SLC7A7: variants seen among roughly 807,000 people sequenced by gnomAD.
The protein encoded by SLC7A7 is Y+L amino acid transporter 1.
In SLC7A7, 39 loss-of-function variants were observed where a neutral mutation model predicts 47.9. The observed-to-expected ratio is 0.81, with a 90% CI of 0.63 to 1.06. SLC7A7 has a LOEUF of 1.06. Ranked by LOEUF, SLC7A7 falls within the 50% of genes least tolerant of loss-of-function variation. SLC7A7 has a pLI of 0.00. For missense variants in SLC7A7, 588 were observed against 632.0 expected (o/e 0.93, Z 0.75); for synonymous variants, 234 against 242.8 (o/e 0.96, Z 0.34).
chr14:22,778,239 T>C (rs919414170), intron 4 of SLC7A7, among the ~76,000 whole-genome samples: 13 of 152,204 alleles, frequency 8.5e-5, no homozygotes, highest in African/African-American at 2.7e-4. Flanking sequence ...CCCTCAAGGT[T>C]AGCCAACAAG....
chr14:22,779,175 G>T (rs372587849), intron 3 of SLC7A7, among the ~76,000 whole-genome samples: 13 of 152,308 alleles, frequency 8.5e-5, no homozygotes, highest in African/African-American at 3.1e-4. Context: ...GAAGGGTCCA[G>T]GGTAGCTTTC....
rs1403570669 is a variant in SLC7A7, at chr14:22,778,955, T to G, written c.626-18A>C. 1 of 1,613,462 alleles carries G rather than the reference T, an allele frequency of 6.2e-7. No homozygotes were observed. Among genetic ancestry groups the G allele is most frequent in the Non-Finnish European group, 8.5e-7 (1 of 1,179,958 alleles). ...AGAGGCTCCTGGAACCCAAGAACAT[T>G]GGAAGGCAGGGGATTAGTGGCTCAT... On this transcript the variant is annotated intron_variant, in intron 3 of 9. Coordinates refer to ENST00000674313, the MANE Select transcript of SLC7A7 (RefSeq NM_003982.4).
chr14:22,813,344 G>T lies in SLC7A7; in HGVS notation c.55C>A (p.Pro19Thr), dbSNP rs748703608. Reference protein sequence around the residue: ...VASQPEVETSPLGDGASPGPE... With the variant: ...VASQPEVETSTLGDGASPGPE... ...CCTGGGCTGGCCCCATCACCCAAAGGGGAGGTTTCCACCTCAGGCTGGGAG... is the reference window on the plus strand; with the variant it reads ...CCTGGGCTGGCCCCATCACCCAAAGTGGAGGTTTCCACCTCAGGCTGGGAG... The change falls in exon 2 of 10, where the codon CCT (proline) becomes ACT (threonine). Residue 19 changes from proline to threonine, a missense_variant. Physicochemically the swap from Pro to Thr is conservative, Grantham distance 38. Transcript: ENST00000674313. 3 of 1,613,872 alleles carry T rather than the reference G, an allele frequency of 1.9e-6. No homozygotes were observed. The highest frequency in any genetic ancestry group is 4.5e-5 in the East Asian group (2 of 44,888).
At position 22,773,607 on chromosome 14, in the gene SLC7A7, T is replaced by C. The variant is rs1279546828; in HGVS notation, c.*3A>G. ...CTTTCCACATCAGGATTCCAGATGG[T>C]GTTTAGTTAGATTTGGGATCCCGTT... On this transcript the variant is annotated 3_prime_UTR_variant, in exon 10 of 10. Coordinates refer to ENST00000674313, the MANE Select transcript of SLC7A7 (RefSeq NM_003982.4). The C allele has an allele frequency of 1.9e-6, 3 of 1,609,788 alleles. No individual in the cohort carries two copies. The highest frequency in any genetic ancestry group is 2.2e-5 in the East Asian group (1 of 44,874).
At chr14:22,788,557 A>G (rs1189359069) in intron 2 of SLC7A7, among the ~76,000 whole-genome samples, 1 of 151,942 alleles carries the variant, frequency 6.6e-6, no homozygotes, top group Non-Finnish European at 1.5e-5. Flanking sequence ...TACAAAAATT[A>G]GCTGGGCGTG....
intron 1 of SLC7A7, among the ~76,000 whole-genome samples, chr14:22,813,659 C>T (rs1372316883): frequency 6.6e-6 from 1 of 150,972 alleles, no homozygotes; most frequent in Non-Finnish European, 1.5e-5. Context: ...GCTCTGTAGC[C>T]CAGGCTGGAG....
At chr14:22,788,459 C>T (rs888714385) in intron 2 of SLC7A7, among the ~76,000 whole-genome samples, 19 of 152,120 alleles carry the variant, frequency 1.2e-4, no homozygotes, top group African/African-American at 3.9e-4. Context: ...AATCCTAGCA[C>T]GTTGGGAGGC....
In SLC7A7 at chr14:22,799,448, C is replaced by CTTTTTTTTTTTTTTTTTT. The variant is rs56375225; in HGVS notation, c.499+13434_499+13451dup. ...TCTTTTTCTTTTTATTTTTTTCTTTCTTTTTTTTTTTTTTTTTTTTTTTTG... is the reference window on the plus strand; with the variant it reads ...TCTTTTTCTTTTTATTTTTTTCTTTCTTTTTTTTTTTTTTTTTTTTTTTTTTTTTTTTTTTTTTTTTTG... On this transcript the variant is annotated intron_variant, in intron 2 of 9. Coordinates refer to ENST00000674313, the MANE Select transcript of SLC7A7 (RefSeq NM_003982.4). Among the ~76,000 whole-genome samples the CTTTTTTTTTTTTTTTTTT allele has an allele frequency of 2.7e-3, 209 of 76,204 alleles. 2 individuals carry two copies. Among genetic ancestry groups the CTTTTTTTTTTTTTTTTTT allele is most frequent in the African/African-American group, 3.9e-3 (75 of 19,340 alleles). The allele number at this position is 76,204 out of a possible 152,430, so 50.0% of individuals were successfully genotyped here.
chr14:22,787,032 T>G (rs2038829614), intron 2 of SLC7A7, among the ~76,000 whole-genome samples: 1 of 152,258 alleles, frequency 6.6e-6, no homozygotes, highest in East Asian at 1.9e-4. Flanking sequence ...TCTTATATGA[T>G]ATGGGATTTT....
chr14:22,803,475 T>C lies in SLC7A7; in HGVS notation c.499+9425A>G, dbSNP rs150008321. 2.3e-3 allele frequency among the ~76,000 whole-genome samples: 348 copies of C among 152,204 alleles called. 2 individuals are homozygous for C. Among genetic ancestry groups the C allele is most frequent in the African/African-American group, 6.1e-3 (255 of 41,540 alleles). On this transcript the variant is annotated intron_variant, in intron 2 of 9. Coordinates refer to ENST00000674313, the MANE Select transcript of SLC7A7 (RefSeq NM_003982.4). ...CTGAGAGTGACCATTTTAGATACGATAGGTCTCTAGTAAGGTACTATTTTT... is the reference window on the plus strand; with the variant it reads ...CTGAGAGTGACCATTTTAGATACGACAGGTCTCTAGTAAGGTACTATTTTT...
chr14:22,793,382 A>G (rs1395376397), intron 2 of SLC7A7, among the ~76,000 whole-genome samples: 1 of 152,210 alleles, frequency 6.6e-6, no homozygotes, highest in Non-Finnish European at 1.5e-5. Flanking sequence ...TCCCAGGCAT[A>G]GGCTGAACTA....
At chr14:22,792,759 A>G (rs1028656407) in intron 2 of SLC7A7, among the ~76,000 whole-genome samples, 1 of 150,082 alleles carries the variant, frequency 6.7e-6, no homozygotes, top group Non-Finnish European at 1.5e-5. Context: ...TGGGAGTCTG[A>G]GAGAGGAGAA....
At chr14:22,779,454 CTT>C (rs35328728) in intron 3 of SLC7A7, among the ~76,000 whole-genome samples, 16,185 of 136,320 alleles carry the variant, frequency 0.12, 1,082 homozygotes, top group Middle Eastern at 0.19. Context: ...ATATTTAATT[CTT>C]TTTTTTTTTT....
upstream of SLC7A7, among the ~76,000 whole-genome samples, chr14:22,819,241 T>C (rs1566468024): frequency 6.6e-6 from 1 of 152,118 alleles, no homozygotes; most frequent in African/African-American, 2.4e-5. Context: ...ATGTCCTGCC[T>C]TCCTGGCTCC....
At position 22,812,950 on chromosome 14, in the gene SLC7A7, C is replaced by T. The variant is rs2039338643; in HGVS notation, c.449G>A (p.Ser150Asn). Residue 150 changes from serine (S) to asparagine (N), a missense_variant, in exon 2 of 10, where the codon AGC (serine) becomes AAC (asparagine). By Grantham distance (46) the Ser-to-Asn change is conservative. Coordinates refer to ENST00000674313, the MANE Select transcript of SLC7A7 (RefSeq NM_003982.4). ...GCTGGCAGCATAAGGGGCGAAGCAG[C>T]TCGGGAAGAGAGGCTGTACCATGTA... ...ANYMVQPLFP[S>N]CFAPYAASRL... The T allele has an allele frequency of 1.9e-6, 3 of 1,613,776 alleles. No individual in the cohort carries two copies.
In SLC7A7 at chr14:22,777,528, A is replaced by G. The variant is rs541607574; in HGVS notation, c.771-1210T>C. On this transcript the variant is annotated intron_variant, in intron 4 of 9. Coordinates refer to ENST00000674313, the MANE Select transcript of SLC7A7 (RefSeq NM_003982.4). ...GAGCTCTCAAGGTCCCTGTAGCCCA[A>G]TAAAGCCATGATCTTTATAAGCATC... Among the ~76,000 whole-genome samples the G allele has an allele frequency of 2.0e-5, 3 of 152,144 alleles. No individual in the cohort carries two copies. The East Asian group carries it at 5.8e-4, about 29-fold the overall frequency.
Position 22,815,104 on chromosome 14 carries a change from G to T in SLC7A7, c.-43+216C>A, listed in dbSNP as rs575591466. Reference sequence around the variant, plus strand: ...GTTGCTGCTGGAGAGATATCACCCCGAGCCAAGGCAGGGAGACAGCTGCAG... The same window carrying T: ...GTTGCTGCTGGAGAGATATCACCCCTAGCCAAGGCAGGGAGACAGCTGCAG... On this transcript the variant is annotated intron_variant, in intron 1 of 9. Transcript: ENST00000674313. The T allele has an allele frequency of 2.0e-5, 7 of 348,722 alleles. No homozygotes were observed. The East Asian group carries it at 5.2e-4, about 26-fold the overall frequency. The allele number at this position is 348,722 out of a possible 1,614,324, so 21.6% of individuals were successfully genotyped here.
intron 2 of SLC7A7, among the ~76,000 whole-genome samples, chr14:22,808,269 G>A (rs1227569625): frequency 6.6e-5 from 10 of 152,116 alleles, no homozygotes; most frequent in Admixed American, 6.5e-4. Context: ...CTCCTTTCTG[G>A]ACTATAAATT....
chr14:22,773,657 C>T lies in SLC7A7; in HGVS notation c.1489G>A (p.Glu497Lys), dbSNP rs751007664. Residue 497 changes from glutamate (E) to lysine (K), a missense_variant, in exon 10 of 10, where the codon GAA becomes AAA. Physicochemically the swap from Glu to Lys is moderately conservative, Grantham distance 56. Transcript: ENST00000674313. ...CMSVAAEMDL[E>K]DGGEMPKQRD... ...TGCTTGGGCATCTCTCCTCCATCTT[C>T]CAAATCCATTTCTGCAGCAACTGAC... 31 of 1,614,188 alleles carry T rather than the reference C, an allele frequency of 1.9e-5. No individual in the cohort carries two copies. Among genetic ancestry groups the T allele is most frequent in the Non-Finnish European group, 2.6e-5 (31 of 1,180,046 alleles).
Sources: gnomAD v4.1 joint callset for allele counts (sites outside exome capture counted in the v4.1 genomes callset) on GRCh38, gnomAD v4.1.1 for gene constraint, MANE v1.5 for transcripts, NCBI Gene and HGNC (gene_info 2026-07-23, HGNC 2026-07-21) for gene names.